BCR: variants seen among roughly 807,000 people sequenced by gnomAD.
BCR encodes the protein BCR activator of RhoGEF and GTPase, also known as breakpoint cluster region protein.
In BCR, 58 loss-of-function variants were observed where a neutral mutation model predicts 138.6. That is an observed-to-expected ratio of 0.42 (90% CI 0.34 to 0.52). BCR has a LOEUF of 0.52. Among genes scored for constraint, BCR ranks in the 20% least tolerant of loss-of-function variants. The pLI, the probability that BCR is intolerant of heterozygous loss-of-function variation, is 0.06. For missense variants in BCR, 1,599 were observed against 1,727.2 expected (o/e 0.93, Z 1.32); for synonymous variants, 786 against 730.1 (o/e 1.08, Z -1.23).
rs552647441 is a variant in BCR at position 23,272,859 on chromosome 22, C to T, written c.1922-222C>T. Among the ~76,000 whole-genome samples, 9 of 152,218 alleles carry T rather than the reference C, an allele frequency of 5.9e-5. No homozygotes were observed. In the East Asian group the frequency reaches 1.2e-3, roughly 20 times the overall value. ...TGCCACCGAGCCAGCCATGCAGGCT[C>T]GGGTCTGACAGCCGCTCTGGACTCT... On this transcript the variant is annotated intron_variant, in intron 6 of 22. Transcript: ENST00000305877.
chr22:23,314,021 C>T lies in BCR; in HGVS notation c.3511C>T (p.Leu1171=), dbSNP rs752804899. The part of the protein sequence containing the change: ...ESCMLNLLLS[L]PEANLLTFLF... The stretch of plus-strand genomic sequence containing the variant: ...CTGCATGCTCAACCTGCTGCTGTCC[C>T]TGCCGGAGGCCAACCTGCTCACCTT... The change falls in exon 21 of 23, where the codon CTG becomes TTG. Residue 1171 remains leucine (L), a synonymous_variant. Coordinates refer to ENST00000305877, the MANE Select transcript of BCR (RefSeq NM_004327.4). 26 of 1,613,888 alleles carry T rather than the reference C, an allele frequency of 1.6e-5. No individual in the cohort carries two copies. Among genetic ancestry groups the T allele is most frequent in the Non-Finnish European group, 2.1e-5 (25 of 1,180,026 alleles).
rs34646520 is a variant in BCR, at chr22:23,273,759, G to A, written c.2100G>A (p.Thr700=). Residue 700 remains threonine (T), a synonymous_variant, in exon 8 of 23, where the codon ACG becomes ACA. Transcript: ENST00000305877. ...TCACACCCCGACGGCAGTCCATGACGGTGAAGAAGGGAGAGGTGAGTGTGG... is the reference window on the plus strand; with the variant it reads ...TCACACCCCGACGGCAGTCCATGACAGTGAAGAAGGGAGAGGTGAGTGTGG... The part of the protein sequence containing the change: ...EEITPRRQSM[T]VKKGEHRQLL... The A allele has an allele frequency of 0.027, 43,930 of 1,614,022 alleles. 747 individuals carry two copies. The highest frequency in any genetic ancestry group is 0.03 in the Non-Finnish European group (35,711 of 1,179,972).
chr22:23,228,064 G>C (rs1364741993), intron 1 of BCR, among the ~76,000 whole-genome samples: 1 of 152,112 alleles, frequency 6.6e-6, no homozygotes, highest in Non-Finnish European at 1.5e-5. Context: ...GATCAGTAGT[G>C]ATATCCCCTC....
At chr22:23,252,432 C>CTTTT (rs71200842) in intron 1 of BCR, among the ~76,000 whole-genome samples, 2 of 117,934 alleles carry the variant, frequency 1.7e-5, no homozygotes, top group African/African-American at 3.5e-5. Flanking sequence ...CTTTTCTTTT[C>CTTTT]TTTTTTTTTT....
Position 23,263,210 on chromosome 22 carries a change from G to A in BCR, c.1752+1670G>A, listed in dbSNP as rs573202678. 370 of 941,528 alleles carry A rather than the reference G, an allele frequency of 3.9e-4. 2 individuals carry two copies. The African/African-American group carries it at 5.3e-3, about 13-fold the overall frequency. 58.3% of individuals were successfully genotyped at this position (941,528 alleles called of 1,614,324 possible). On this transcript the variant is annotated intron_variant, in intron 4 of 22. Coordinates refer to ENST00000305877, the MANE Select transcript of BCR (RefSeq NM_004327.4). ...CCGCCTGCCCGGCTGCGGGGCCAGC[G>A]CTCTGGCGCCTGCCGGAAGTGCTGC...
At chr22:23,213,584 A>C (rs2072712525) in intron 1 of BCR, among the ~76,000 whole-genome samples, 1 of 152,322 alleles carries the variant, frequency 6.6e-6, no homozygotes, top group Non-Finnish European at 1.5e-5. Context: ...GCTCTTTGGG[A>C]GGCCAAGGTG....
intron 8 of BCR, among the ~76,000 whole-genome samples, chr22:23,274,202 G>A (rs193274067): frequency 1.3e-4 from 20 of 152,272 alleles, no homozygotes; most frequent in Admixed American, 3.3e-4. Context: ...AGTTAACATC[G>A]GGTTTAAGGA....
chr22:23,232,674 G>A (rs1254448987), intron 1 of BCR, among the ~76,000 whole-genome samples: 1 of 152,202 alleles, frequency 6.6e-6, no homozygotes, highest in Non-Finnish European at 1.5e-5. Context: ...GCTTATCAGC[G>A]AGCCTACCTG....
intron 1 of BCR, among the ~76,000 whole-genome samples, chr22:23,204,407 A>C (rs1022466296): frequency 1.3e-5 from 2 of 149,736 alleles, no homozygotes; most frequent in Non-Finnish European, 2.9e-5. Context: ...TTCTAAATAA[A>C]ATTAAGTCAT....
intron 4 of BCR, chr22:23,263,966 G>A: frequency 1.1e-6 from 1 of 891,312 alleles, no homozygotes; most frequent in East Asian, 2.4e-5. Context: ...GTGGGCAGCT[G>A]ATGACACACT....
At chr22:23,287,105 T>C (rs2146303066) in intron 10 of BCR, 54 bp from the exon 11 acceptor site, 2 of 1,555,064 alleles carry the variant, frequency 1.3e-6, no homozygotes, top group Non-Finnish European at 1.7e-6. Context: ...GGAATGGGAG[T>C]GGGTTGTGTG....
At chr22:23,307,379 C>T (rs1385569792) in intron 16 of BCR, among the ~76,000 whole-genome samples, 2 of 151,186 alleles carry the variant, frequency 1.3e-5, no homozygotes, top group African/African-American at 4.9e-5. Flanking sequence ...GCTGATATCA[C>T]AGGCAGGGTT....
At chr22:23,183,831 A>G (rs2072302929) in intron 1 of BCR, among the ~76,000 whole-genome samples, 1 of 152,266 alleles carries the variant, frequency 6.6e-6, no homozygotes. Context: ...CCTTTCCTAC[A>G]GCTCCTGTAG....
At chr22:23,300,032 T>G (rs1194032478) in intron 16 of BCR, among the ~76,000 whole-genome samples, 1 of 152,212 alleles carries the variant, frequency 6.6e-6, no homozygotes, top group Non-Finnish European at 1.5e-5. Context: ...ATAAGCACAA[T>G]GTAAAATGTC....
chr22:23,264,421 T>G, intron 4 of BCR: 1 of 728,136 alleles, frequency 1.4e-6, no homozygotes, highest in Non-Finnish European at 2.5e-6. Flanking sequence ...CTCTCTTGCA[T>G]GAAGGGTGCA....
chr22:23,192,089 GGGGCTGGGGTGTGAAGACC>G (rs1403396586), intron 1 of BCR, among the ~76,000 whole-genome samples: 3 of 152,204 alleles, frequency 2.0e-5, no homozygotes, highest in Non-Finnish European at 4.4e-5. Context: ...CCACCTTCCT[GGGGCTGGGGTGTGAAGACC>G]GGACACCCCA....
At chr22:23,289,373 A>C in intron 12 of BCR, 144 bp from the exon 13 acceptor site, 1 of 663,470 alleles carries the variant, frequency 1.5e-6, no homozygotes. Context: ...TTGAGAGCCA[A>C]GTGCCCTCTC....
intron 1 of BCR, among the ~76,000 whole-genome samples, chr22:23,234,568 C>A (rs1316340453): frequency 6.6e-6 from 1 of 152,110 alleles, no homozygotes; most frequent in Admixed American, 6.5e-5. Flanking sequence ...TCCCGCAGCC[C>A]AGGAGGGTGG....
chr22:23,277,458 G>A (rs1392696750), intron 8 of BCR, among the ~76,000 whole-genome samples: 1 of 152,196 alleles, frequency 6.6e-6, no homozygotes, highest in African/African-American at 2.4e-5. Context: ...GCACTACCTG[G>A]AGGTAGGAAA....
Sources: gnomAD v4.1 joint callset for allele counts (sites outside exome capture counted in the v4.1 genomes callset) on GRCh38, gnomAD v4.1.1 for gene constraint, MANE v1.5 for transcripts, NCBI Gene and HGNC (gene_info 2026-07-23, HGNC 2026-07-21) for gene names.